GSE1: variants seen among roughly 807,000 people sequenced by gnomAD.
The protein encoded by GSE1 is Gse1 coiled-coil protein, also known as genetic suppressor element 1.
In GSE1, 32 loss-of-function variants were observed where a neutral mutation model predicts 112.6. That is an observed-to-expected ratio of 0.28 (90% CI 0.21 to 0.38). The LOEUF is 0.38. Ranked by LOEUF, GSE1 falls within the 10% of genes least tolerant of loss-of-function variation. GSE1 has a pLI of 1.00. For synonymous variants in GSE1, 1,115 were observed against 735.6 expected, an observed-to-expected ratio of 1.52 and a Z score of -8.35; for missense variants, 2,348 against 1,699.2, an observed-to-expected ratio of 1.38 and a Z score of -6.71.
intron 2 of GSE1, among the ~76,000 whole-genome samples, chr16:85,503,013 C>T (rs2051422503): frequency 6.6e-6 from 1 of 152,194 alleles, no homozygotes; most frequent in Non-Finnish European, 1.5e-5. Flanking sequence ...GGGAAAGGCC[C>T]CATGAGGAGA....
At chr16:85,215,158 C>T (rs1006655233) in intron 1 of GSE1, among the ~76,000 whole-genome samples, 3 of 152,198 alleles carry the variant, frequency 2.0e-5, no homozygotes, top group Non-Finnish European at 4.4e-5. Flanking sequence ...GAATTCTATT[C>T]TGTGGAGTCA....
chr16:85,447,431 T>C (rs1377425050), intron 2 of GSE1, among the ~76,000 whole-genome samples: 2 of 152,146 alleles, frequency 1.3e-5, no homozygotes, highest in Non-Finnish European at 2.9e-5. Flanking sequence ...GACTTTGACT[T>C]TCTCATCTGA....
chr16:85,378,135 C>A (rs1048403107), intron 2 of GSE1, among the ~76,000 whole-genome samples: 1 of 152,138 alleles, frequency 6.6e-6, no homozygotes, highest in African/African-American at 2.4e-5. Context: ...GGGCCCTGGG[C>A]CAGTGGGGGC....
chr16:85,607,374 C>T (rs926902747), upstream of GSE1, among the ~76,000 whole-genome samples: 1 of 152,238 alleles, frequency 6.6e-6, no homozygotes, highest in Non-Finnish European at 1.5e-5. Context: ...CGCCCGCTTT[C>T]CAGCCGCGGT....
At chr16:85,360,330 G>C (rs919059990) in intron 2 of GSE1, among the ~76,000 whole-genome samples, 2 of 152,260 alleles carry the variant, frequency 1.3e-5, no homozygotes, top group African/African-American at 2.4e-5. Context: ...CTGCAACAAC[G>C]GCTGACCTGG....
chr16:85,445,710 C>A (rs943779501), intron 2 of GSE1, among the ~76,000 whole-genome samples: 1 of 152,230 alleles, frequency 6.6e-6, no homozygotes, highest in African/African-American at 2.4e-5. Flanking sequence ...AGCGCGCCAG[C>A]AGCAGCAGCC....
upstream of GSE1, chr16:85,613,159 C>T (rs1382858681): frequency 8.1e-6 from 11 of 1,353,570 alleles, no homozygotes; most frequent in Non-Finnish European, 9.6e-6. Flanking sequence ...TGGCTGAGGT[C>T]AGGGAGCCGG....
chr16:85,660,658 T>A (rs2052353793), intron 8 of GSE1, among the ~76,000 whole-genome samples: 1 of 151,272 alleles, frequency 6.6e-6, no homozygotes, highest in Non-Finnish European at 1.5e-5. Context: ...TGAGACGGAG[T>A]CTTGCTCTGT....
exon 1 of GSE1, chr16:85,170,741 C>T (rs759618348): frequency 2.0e-6 from 2 of 985,492 alleles, no homozygotes; most frequent in Non-Finnish European, 2.4e-6. Context: ...CTGCACAGCC[C>T]GCCCCCAGGG....
At chr16:85,603,227 C>A (rs1046601982) in intron 1 of GSE1, among the ~76,000 whole-genome samples, 1 of 152,216 alleles carries the variant, frequency 6.6e-6, no homozygotes, top group South Asian at 2.1e-4. Flanking sequence ...ACATTGTGAA[C>A]CCCTCCATCT....
At chr16:85,555,897 CTTTATT>C (rs1258192887), upstream of GSE1, 1 of 863,454 alleles carries the variant, frequency 1.2e-6, no homozygotes, top group African/African-American at 1.9e-5. Context: ...CACCTCCCCC[CTTTATT>C]TTTCTCTCGC....
At chr16:85,613,865 G>C (rs1293478538) in intron 1 of GSE1, among the ~76,000 whole-genome samples, 2 of 148,738 alleles carry the variant, frequency 1.3e-5, no homozygotes, top group Non-Finnish European at 3.0e-5. Flanking sequence ...GGTGTGGGGG[G>C]GGGGGGTGCT....
intron 2 of GSE1, among the ~76,000 whole-genome samples, chr16:85,399,379 C>A (rs1353980621): frequency 1.3e-5 from 2 of 152,102 alleles, no homozygotes; most frequent in Admixed American, 6.5e-5. Context: ...GGCTCCACGG[C>A]CTTCAGAGTG....
In GSE1 at chr16:85,614,025, C is replaced by G. The variant is rs924717244; in HGVS notation, c.7+627C>G. On this transcript the variant is annotated intron_variant, in intron 1 of 15. Coordinates refer to ENST00000253458, the MANE Select transcript of GSE1 (RefSeq NM_014615.5). ...CTGCTTCCCGAGGAAGGGCGCGCCCCGGGCTCGGCCGCTTCTCTCCTCTCT... is the reference window on the plus strand; with the variant it reads ...CTGCTTCCCGAGGAAGGGCGCGCCCGGGGCTCGGCCGCTTCTCTCCTCTCT... Among the ~76,000 whole-genome samples the G allele has an allele frequency of 2.0e-5, 3 of 151,752 alleles. No individual in the cohort carries two copies. In the East Asian group the frequency reaches 5.8e-4, roughly 30 times the overall value.
chr16:85,543,261 C>G (rs535149356), intron 2 of GSE1, among the ~76,000 whole-genome samples: 1 of 151,452 alleles, frequency 6.6e-6, no homozygotes, highest in East Asian at 1.9e-4. Flanking sequence ...CCAAATATAT[C>G]CTATAGCTGT....
At chr16:85,497,918 A>C (rs1020988651) in intron 2 of GSE1, among the ~76,000 whole-genome samples, 27 of 152,194 alleles carry the variant, frequency 1.8e-4, no homozygotes, top group African/African-American at 5.8e-4. Context: ...ATGGGAAACC[A>C]AAGCCTGGGG....
At chr16:85,627,715 G>A (rs565344960) in intron 1 of GSE1, among the ~76,000 whole-genome samples, 3 of 151,136 alleles carry the variant, frequency 2.0e-5, no homozygotes, top group East Asian at 3.9e-4. Context: ...GCCTTCACAC[G>A]GTGGAGCGTA....
chr16:85,631,612 T>C (rs1354649041), intron 1 of GSE1, among the ~76,000 whole-genome samples: 1 of 152,256 alleles, frequency 6.6e-6, no homozygotes, highest in Non-Finnish European at 1.5e-5. Flanking sequence ...CTGCTGGGAC[T>C]GGCATCTGTC....
rs139279417 is a variant in GSE1, at chr16:85,239,647, C to T, written c.2283+67840C>T. 6.8e-3 allele frequency among the ~76,000 whole-genome samples: 1,037 copies of T among 152,302 alleles called. 10 individuals are homozygous for T. Among genetic ancestry groups the T allele is most frequent in the Non-Finnish European group, 0.011 (765 of 68,008 alleles). ...AGAGGTGAGAGCTGGAGAGCCAGGG[C>T]GGGCCCCACGGCTCCCAGCTCCTAG... is the stretch of plus-strand genomic sequence containing the variant. On this transcript the variant is annotated intron_variant, in intron 1 of 2. Coordinates refer to the GSE1 transcript ENST00000637419.
Sources: allele counts gnomAD v4.1 joint callset (sites outside exome capture counted in the v4.1 genomes callset), GRCh38; gene constraint gnomAD v4.1.1; transcripts MANE v1.5; gene names NCBI Gene and HGNC (gene_info 2026-07-23, HGNC 2026-07-21).